Variants in SVIL observed in about 807,000 individuals in gnomAD.
SVIL encodes the protein supervillin, also known as archvillin.
A neutral mutation model predicts 240.4 loss-of-function variants in SVIL; 101 were observed. That is an observed-to-expected ratio of 0.42 (90% CI 0.36 to 0.50). The LOEUF is 0.50. SVIL is among the 20% of genes least tolerant of loss of function. The probability of loss-of-function intolerance (pLI) is 0.01; values close to 1 mark genes in which losing one functional copy is unlikely to be tolerated. For missense variants in SVIL, 2,512 were observed against 2,818.7 expected, an observed-to-expected ratio of 0.89 and a Z score of 2.46; for synonymous variants, 999 against 1,100.0, an observed-to-expected ratio of 0.91 and a Z score of 1.82.
intron 17 of SVIL, among the ~76,000 whole-genome samples, chr10:29,503,087 C>T (rs1298604656): frequency 6.6e-6 from 1 of 152,058 alleles, no homozygotes; most frequent in Non-Finnish European, 1.5e-5. Context: ...ATTATAAAAG[C>T]ACATATTAAG....
intron 17 of SVIL, among the ~76,000 whole-genome samples, chr10:29,505,950 T>G (rs963205867): frequency 6.6e-6 from 1 of 152,148 alleles, no homozygotes; most frequent in Non-Finnish European, 1.5e-5. Context: ...TAAAATGGGG[T>G]AGGATTTGCA....
At chr10:29,696,337 C>T (rs890834355) in intron 1 of SVIL, among the ~76,000 whole-genome samples, 1 of 152,122 alleles carries the variant, frequency 6.6e-6, no homozygotes, top group African/African-American at 2.4e-5. Context: ...CTTGGCCCCC[C>T]AAAGTGCGGA....
At chr10:29,639,656 A>G (rs1478387851), upstream of SVIL, among the ~76,000 whole-genome samples, 2 of 151,384 alleles carry the variant, frequency 1.3e-5, no homozygotes, top group African/African-American at 2.4e-5. Context: ...TTTAGTAGAC[A>G]GGGTTTCACC....
At chr10:29,478,756 TAA>T (rs917207229) in intron 29 of SVIL, among the ~76,000 whole-genome samples, 1 of 142,642 alleles carries the variant, frequency 7.0e-6, no homozygotes, top group Non-Finnish European at 1.5e-5. Flanking sequence ...CCTCATCTCT[TAA>T]AAAAAAAAAG....
At position 29,480,522 on chromosome 10, in the gene SVIL, C is replaced by T. The variant is rs2132351052; in HGVS notation, c.5377+15G>A. ...AGCCTCTTTCAGCTGGAAAAAACCA[C>T]AAGCGCTCACTAACCTGCCGTGCTC... is the stretch of plus-strand genomic sequence containing the variant. On this transcript the variant is annotated intron_variant, in intron 29 of 37. Transcript: ENST00000355867. 4 of 1,609,104 alleles carry T rather than the reference C, an allele frequency of 2.5e-6. No individual in the cohort carries two copies. The highest frequency in any genetic ancestry group is 3.4e-6 in the Non-Finnish European group (4 of 1,177,180).
chr10:29,601,333 G>A (rs1589362478), intron 1 of SVIL, among the ~76,000 whole-genome samples: 2 of 152,190 alleles, frequency 1.3e-5, no homozygotes, highest in Non-Finnish European at 2.9e-5. Context: ...AGCTTAAAAT[G>A]TGCTCCTCTG....
intron 26 of SVIL, among the ~76,000 whole-genome samples, chr10:29,485,055 G>A (rs1045733473): frequency 2.0e-5 from 3 of 151,452 alleles, no homozygotes; most frequent in Admixed American, 6.6e-5. Context: ...TGTCCTAAGT[G>A]GCCAGGATAA....
At chr10:29,526,205 T>A (rs1950891471) in intron 13 of SVIL, among the ~76,000 whole-genome samples, 1 of 152,206 alleles carries the variant, frequency 6.6e-6, no homozygotes, top group African/African-American at 2.4e-5. Context: ...CAGTCTGTAT[T>A]TGTGTCTACA....
chr10:29,543,831 A>G (rs1952387059), intron 6 of SVIL, among the ~76,000 whole-genome samples: 1 of 152,200 alleles, frequency 6.6e-6, no homozygotes, highest in Middle Eastern at 3.2e-3. Flanking sequence ...AACTTATTTT[A>G]TGGAATCTTG....
At chr10:29,673,040 A>G (rs981944800) in intron 2 of SVIL, among the ~76,000 whole-genome samples, 1 of 151,920 alleles carries the variant, frequency 6.6e-6, no homozygotes, top group African/African-American at 2.4e-5. Context: ...CAGCCTCCCG[A>G]GTAGCTGGGA....
At chr10:29,658,366 T>C (rs1200418059) in intron 2 of SVIL, among the ~76,000 whole-genome samples, 1 of 152,236 alleles carries the variant, frequency 6.6e-6, no homozygotes, top group African/African-American at 2.4e-5. Context: ...AGCTCTTATT[T>C]TTCTGGGAGG....
upstream of SVIL, among the ~76,000 whole-genome samples, chr10:29,639,155 A>C (rs1958401841): frequency 6.6e-6 from 1 of 152,122 alleles, no homozygotes; most frequent in Admixed American, 6.6e-5. Context: ...TGTTCTCTAG[A>C]ACTCTTCCCC....
chr10:29,499,173 T>C lies in SVIL; in HGVS notation c.3607A>G (p.Arg1203Gly). ...TGGGTCGAGTCGTTGGCCGCTCCTC[T>C]GCCTCTCGTCTTCCAGGCCTCCTCT... ...VREEAWKTRG[R>G]GAANDSTQFT... Residue 1203 changes from arginine to glycine, a missense_variant, in exon 18 of 38, where the codon AGA (arginine) becomes GGA (glycine). Transcript: ENST00000355867. The C allele has an allele frequency of 6.2e-7, 1 of 1,614,182 alleles. No homozygotes were observed. Among genetic ancestry groups the C allele is most frequent in the South Asian group, 1.1e-5 (1 of 91,072 alleles).
intron 2 of SVIL, among the ~76,000 whole-genome samples, chr10:29,686,286 T>A (rs74131931): frequency 6.6e-6 from 1 of 152,192 alleles, no homozygotes; most frequent in African/African-American, 2.4e-5. Context: ...AAGCTGGGAA[T>A]CAGGCCCAGG....
chr10:29,527,010 C>T lies in SVIL; in HGVS notation c.2293G>A (p.Ala765Thr). The change falls in exon 13 of 38, where the codon GCG becomes ACG. Residue 765 changes from alanine to threonine, a missense_variant. Ala to Thr is a moderately conservative substitution (Grantham distance 58). Transcript: ENST00000355867. ...GCTACAGTGGGGCTAGGAAGTCTCG[C>T]CATTACAGGGTGGGTGCCCCCAGAA... ...SCSGGTHPVMARLPSPTVARS... is the reference protein window; with the variant it reads ...SCSGGTHPVMTRLPSPTVARS... 6.2e-7 allele frequency: 1 copy of T among 1,613,222 alleles called. No individual in the cohort carries two copies. The highest frequency in any genetic ancestry group is 8.5e-7 in the Non-Finnish European group (1 of 1,179,660).
At chr10:29,716,154 T>C (rs1279563090) in intron 1 of SVIL, among the ~76,000 whole-genome samples, 2 of 152,182 alleles carry the variant, frequency 1.3e-5, no homozygotes, top group African/African-American at 4.8e-5. Flanking sequence ...AATGTTTTTT[T>C]CTAAACACTG....
chr10:29,727,187 A>G (rs1293970122), intron 1 of SVIL, among the ~76,000 whole-genome samples: 1 of 152,230 alleles, frequency 6.6e-6, no homozygotes, highest in Non-Finnish European at 1.5e-5. Context: ...TAGGTGGATA[A>G]CTTGACTAGG....
chr10:29,638,761 T>A (rs570622273), upstream of SVIL, among the ~76,000 whole-genome samples: 1 of 152,210 alleles, frequency 6.6e-6, no homozygotes, highest in South Asian at 2.1e-4. Flanking sequence ...TGTGTTTATT[T>A]AGCAGGCTGT....
chr10:29,544,004 C>A (rs1054314920), intron 6 of SVIL, among the ~76,000 whole-genome samples: 1 of 152,118 alleles, frequency 6.6e-6, no homozygotes. Context: ...GAAATAATAA[C>A]TCACTCCAGG....
Sources: allele counts gnomAD v4.1 joint callset (sites outside exome capture counted in the v4.1 genomes callset), GRCh38; gene constraint gnomAD v4.1.1; transcripts MANE v1.5; gene names NCBI Gene and HGNC (gene_info 2026-07-23, HGNC 2026-07-21).